The following TMEM163 variants were observed in gnomAD, a reference collection of about 807,000 sequenced individuals.
TMEM163 encodes transmembrane protein 163.
A neutral mutation model predicts 29.3 loss-of-function variants in TMEM163; 17 were observed. The observed-to-expected ratio is 0.58, with a 90% confidence interval of 0.40 to 0.87. The LOEUF (loss-of-function observed/expected upper bound fraction) is 0.87, where lower values mean the gene tolerates loss of function less well. Among genes scored for constraint, TMEM163 ranks in the 40% least tolerant of loss-of-function variants. The probability of loss-of-function intolerance (pLI) is 0.00; values close to 1 mark genes in which losing one functional copy is unlikely to be tolerated. For synonymous variants in TMEM163, 157 were observed against 160.6 expected (o/e 0.98, Z 0.17); for missense variants, 303 against 381.5 (o/e 0.79, Z 1.71).
At chr2:134,492,986 T>C (rs1558921457) in intron 5 of TMEM163, among the ~76,000 whole-genome samples, 1 of 152,234 alleles carries the variant, frequency 6.6e-6, no homozygotes, top group South Asian at 2.1e-4. Flanking sequence ...GAGTTCCAGA[T>C]GCATCACACA....
At chr2:134,696,597 G>T (rs1684587383) in intron 2 of TMEM163, among the ~76,000 whole-genome samples, 1 of 151,962 alleles carries the variant, frequency 6.6e-6, no homozygotes, top group Non-Finnish European at 1.5e-5. Flanking sequence ...CTTCATGAAG[G>T]AATTATACCT....
At chr2:134,589,515 T>C (rs978840135) in intron 2 of TMEM163, among the ~76,000 whole-genome samples, 5 of 152,172 alleles carry the variant, frequency 3.3e-5, no homozygotes, top group African/African-American at 9.7e-5. Context: ...TTTAGTATGC[T>C]AAAAGACACT....
At chr2:134,640,223 T>C (rs903848703) in intron 2 of TMEM163, among the ~76,000 whole-genome samples, 1 of 152,152 alleles carries the variant, frequency 6.6e-6, no homozygotes, top group Non-Finnish European at 1.5e-5. Flanking sequence ...GTGTTAAAGA[T>C]GGCAGAGCAC....
chr2:134,566,905 C>T (rs557030438), intron 2 of TMEM163, among the ~76,000 whole-genome samples: 3 of 152,238 alleles, frequency 2.0e-5, no homozygotes, highest in South Asian at 4.1e-4. Context: ...ATGTGTAACG[C>T]TGCAAAATGT....
chr2:134,677,015 A>G (rs1435000919), intron 2 of TMEM163, among the ~76,000 whole-genome samples: 1 of 152,214 alleles, frequency 6.6e-6, no homozygotes, highest in Admixed American at 6.5e-5. Flanking sequence ...TCTGCAGAAG[A>G]CATTTTAACC....
intron 6 of TMEM163, among the ~76,000 whole-genome samples, chr2:134,461,792 G>C (rs2106472565): frequency 6.6e-6 from 1 of 152,296 alleles, no homozygotes; most frequent in Middle Eastern, 3.4e-3. Flanking sequence ...CCTGGCTCCG[G>C]GTTGGGACCC....
intron 4 of TMEM163, among the ~76,000 whole-genome samples, chr2:134,532,177 C>T (rs1680430987): frequency 6.6e-6 from 1 of 152,204 alleles, no homozygotes; most frequent in Admixed American, 6.5e-5. Context: ...AAGTCTAGCG[C>T]ATCTGTGTCT....
At chr2:134,623,297 G>A (rs1479404415) in intron 2 of TMEM163, among the ~76,000 whole-genome samples, 1 of 152,146 alleles carries the variant, frequency 6.6e-6, no homozygotes, top group Non-Finnish European at 1.5e-5. Context: ...TCTGATGGCA[G>A]CCACTCACCC....
In TMEM163 at chr2:134,625,817, C is replaced by A. The variant is rs146354071; in HGVS notation, c.323-73726G>T. On this transcript the variant is annotated intron_variant, in intron 2 of 7. Coordinates refer to ENST00000281924, the MANE Select transcript of TMEM163 (RefSeq NM_030923.5). ...TTGGCAGACAGGGTCAACAGCTTAT[C>A]AGAGAGTCAGCTGTAGGGGCAGCTC... Among the ~76,000 whole-genome samples the A allele has an allele frequency of 2.7e-3, 409 of 152,292 alleles. 2 individuals are homozygous for A. Among genetic ancestry groups the A allele is most frequent in the African/African-American group, 9.0e-3 (374 of 41,568 alleles).
chr2:134,599,014 TAAAAA>T (rs34207224), intron 2 of TMEM163, among the ~76,000 whole-genome samples: 5,334 of 124,268 alleles, frequency 0.043, 370 homozygotes, highest in African/African-American at 0.14. Flanking sequence ...GCCATTCCGT[TAAAAA>T]AAAAAAAAAA....
chr2:134,523,546 C>T (rs750756111), intron 4 of TMEM163, among the ~76,000 whole-genome samples: 3 of 152,080 alleles, frequency 2.0e-5, no homozygotes, highest in Non-Finnish European at 2.9e-5. Context: ...CCTGTCTCTC[C>T]CCCAATCTCC....
At chr2:134,705,857 C>T (rs1231598276) in intron 2 of TMEM163, among the ~76,000 whole-genome samples, 2 of 152,204 alleles carry the variant, frequency 1.3e-5, no homozygotes, top group Admixed American at 6.5e-5. Flanking sequence ...CCAAAGGGCC[C>T]CTGCCAGCAA....
intron 6 of TMEM163, among the ~76,000 whole-genome samples, chr2:134,462,422 A>G (rs1047374171): frequency 4.6e-5 from 7 of 151,848 alleles, no homozygotes; most frequent in African/African-American, 1.7e-4. Flanking sequence ...CCCACCCTAG[A>G]CCTCAAGCCC....
At chr2:134,535,619 C>T (rs1320583236) in intron 4 of TMEM163, among the ~76,000 whole-genome samples, 6 of 152,022 alleles carry the variant, frequency 3.9e-5, no homozygotes, top group Admixed American at 2.6e-4. Flanking sequence ...CTATAGTTAA[C>T]AATACAGTAT....
intron 2 of TMEM163, among the ~76,000 whole-genome samples, chr2:134,691,040 C>T (rs914396829): frequency 1.3e-5 from 2 of 152,008 alleles, no homozygotes; most frequent in South Asian, 4.2e-4. Flanking sequence ...GTGTGGCTGG[C>T]GGGAATGGTA....
Position 134,718,822 on chromosome 2 carries a change from G to A in TMEM163, c.114C>T (p.Ser38=), listed in dbSNP as rs1338934687. The part of the protein sequence containing the change: ...AAAPGPAPLS[S]PVREPPQLEE... Reference sequence around the variant, plus strand: ...CCAGCTGGGGCGGCTCGCGCACCGGGGAGCTCAGCGGGGCCGGGCCGGGGG... The same window carrying A: ...CCAGCTGGGGCGGCTCGCGCACCGGAGAGCTCAGCGGGGCCGGGCCGGGGG... The change falls in exon 1 of 8, where the codon TCC becomes TCT. Residue 38 remains serine, a synonymous_variant. Transcript: ENST00000281924. 12 of 1,133,672 alleles carry A rather than the reference G, an allele frequency of 1.1e-5. No individual in the cohort carries two copies. The highest frequency in any genetic ancestry group is 1.6e-5 in the African/African-American group (1 of 60,856). The allele number at this position is 1,133,672 out of a possible 1,614,324, so 70.2% of individuals were successfully genotyped here.
chr2:134,485,317 T>TG (rs1466857487), intron 5 of TMEM163, among the ~76,000 whole-genome samples: 1 of 152,200 alleles, frequency 6.6e-6, no homozygotes, highest in Non-Finnish European at 1.5e-5. Flanking sequence ...GTACTGAATG[T>TG]GAAAAACAGA....
chr2:134,551,417 G>A (rs1018700686), intron 3 of TMEM163, among the ~76,000 whole-genome samples: 3 of 152,140 alleles, frequency 2.0e-5, no homozygotes, highest in African/African-American at 4.8e-5. Flanking sequence ...CAGGCATACC[G>A]ACCCTTGGGT....
intron 2 of TMEM163, among the ~76,000 whole-genome samples, chr2:134,646,028 T>G (rs961938341): frequency 1.3e-5 from 2 of 152,328 alleles, no homozygotes; most frequent in East Asian, 1.9e-4. Flanking sequence ...AAGACATTTA[T>G]TCACTTACAG....
Sources: gnomAD v4.1 joint callset for allele counts (sites outside exome capture counted in the v4.1 genomes callset) on GRCh38, gnomAD v4.1.1 for gene constraint, MANE v1.5 for transcripts, NCBI Gene and HGNC (gene_info 2026-07-23, HGNC 2026-07-21) for gene names.